OCA2: variants seen among roughly 807,000 people sequenced by gnomAD.
OCA2 encodes the protein P protein.
In OCA2, 77 loss-of-function variants were observed where a neutral mutation model predicts 100.2. The ratio of observed to expected loss-of-function variants is 0.77; its 90% CI spans 0.64 to 0.93. The LOEUF (loss-of-function observed/expected upper bound fraction) is 0.93, where lower values mean the gene tolerates loss of function less well. Among genes scored for constraint, OCA2 ranks in the 40% least tolerant of loss-of-function variants. The pLI, the probability that OCA2 is intolerant of heterozygous loss-of-function variation, is 0.00. For synonymous variants in OCA2, 432 were observed against 439.2 expected (o/e 0.98, Z 0.21); for missense variants, 1,062 against 1,089.1 (o/e 0.98, Z 0.35).
chr15:27,782,752 T>G (rs759341775), intron 23 of OCA2, among the ~76,000 whole-genome samples: 1 of 152,224 alleles, frequency 6.6e-6, no homozygotes, highest in Non-Finnish European at 1.5e-5. Flanking sequence ...GAGGAGCCAA[T>G]GCGTGTCCCA....
At chr15:27,805,271 T>C (rs893570301) in intron 23 of OCA2, among the ~76,000 whole-genome samples, 2 of 152,242 alleles carry the variant, frequency 1.3e-5, no homozygotes, top group Non-Finnish European at 2.9e-5. Flanking sequence ...CTTTACATTT[T>C]CATGTTGAAA....
intron 23 of OCA2, among the ~76,000 whole-genome samples, chr15:27,757,121 G>A (rs1397003569): frequency 6.6e-6 from 1 of 152,196 alleles, no homozygotes; most frequent in Non-Finnish European, 1.5e-5. Flanking sequence ...CTGCAGAGGT[G>A]GGATGTTGAG....
chr15:27,925,339 GTCTTAA>G (rs748382442), intron 19 of OCA2, among the ~76,000 whole-genome samples: 113 of 152,234 alleles, frequency 7.4e-4, no homozygotes, highest in Middle Eastern at 3.4e-3. Flanking sequence ...CGTAAAACAA[GTCTTAA>G]TAAAATTAAA....
Position 27,989,586 on chromosome 15 carries a change from G to C in OCA2, c.1182+15C>G. ...CAGGCGTGGAGCCCAGTCCCACGGG[G>C]AGAGCTGTAATTACCATGCCAAACA... On this transcript the variant is annotated intron_variant, in intron 11 of 23. Transcript: ENST00000354638. The C allele has an allele frequency of 6.2e-7, 1 of 1,612,204 alleles. No individual in the cohort carries two copies. Among genetic ancestry groups the C allele is most frequent in the South Asian group, 1.1e-5 (1 of 91,018 alleles).
At chr15:27,732,403 C>T in the OCA2 span, among the ~76,000 whole-genome samples, 1 of 152,116 alleles carries the variant, frequency 6.6e-6, no homozygotes, top group Non-Finnish European at 1.5e-5. Context: ...TAAGGTGGCC[C>T]GTGGGGTCCA....
At chr15:27,913,891 G>GAAAGAAAGAAAGAAAGAA (rs1567098419) in intron 19 of OCA2, among the ~76,000 whole-genome samples, 1 of 42,070 alleles carries the variant, frequency 2.4e-5, no homozygotes, top group Non-Finnish European at 4.5e-5. Flanking sequence ...AAGAAAGAAA[G>GAAAGAAAGAAAGAAAGAA]AAAGCAAGCA....
intron 2 of OCA2, among the ~76,000 whole-genome samples, chr15:28,064,884 A>T (rs2043978748): frequency 6.6e-6 from 1 of 150,598 alleles, no homozygotes; most frequent in Non-Finnish European, 1.5e-5. Context: ...TTGTTGTTGA[A>T]ACACTTTGTT....
At chr15:27,830,514 TG>T (rs1949297482) in intron 23 of OCA2, among the ~76,000 whole-genome samples, 1 of 152,162 alleles carries the variant, frequency 6.6e-6, no homozygotes, top group African/African-American at 2.4e-5. Flanking sequence ...AATAAAAAAC[TG>T]AAAGTGATAT....
intron 15 of OCA2, among the ~76,000 whole-genome samples, chr15:27,961,402 G>A (rs1359889112): frequency 6.6e-6 from 1 of 152,158 alleles, no homozygotes; most frequent in East Asian, 1.9e-4. Flanking sequence ...GGTTCCTCAA[G>A]GATCTAGAAC....
At chr15:27,938,835 T>C (rs2039548204) in intron 18 of OCA2, among the ~76,000 whole-genome samples, 1 of 152,112 alleles carries the variant, frequency 6.6e-6, no homozygotes, top group African/African-American at 2.4e-5. Context: ...CTGAGCACAC[T>C]CAAGTATGGT....
At chr15:27,893,612 G>A (rs932411201) in intron 19 of OCA2, among the ~76,000 whole-genome samples, 1 of 152,036 alleles carries the variant, frequency 6.6e-6, no homozygotes, top group Non-Finnish European at 1.5e-5. Flanking sequence ...GGCCACTCTG[G>A]GAATGTCTGT....
At chr15:27,768,947 C>T (rs915997574) in intron 23 of OCA2, among the ~76,000 whole-genome samples, 1 of 152,168 alleles carries the variant, frequency 6.6e-6, no homozygotes, top group Non-Finnish European at 1.5e-5. Flanking sequence ...GCTGCCCAGC[C>T]GGGAGGCAGC....
chr15:27,931,271 C>A (rs1283892927), intron 18 of OCA2, among the ~76,000 whole-genome samples: 1 of 152,120 alleles, frequency 6.6e-6, no homozygotes, highest in East Asian at 1.9e-4. Context: ...ATAACGTATC[C>A]TTTTAAACAG....
intron 2 of OCA2, among the ~76,000 whole-genome samples, chr15:28,034,647 C>G (rs1447496066): frequency 2.0e-5 from 3 of 152,004 alleles, no homozygotes; most frequent in Admixed American, 6.6e-5. Flanking sequence ...TGGTGGTGTA[C>G]TCCTGTAGTC....
chr15:27,742,295 G>A, the OCA2 span, among the ~76,000 whole-genome samples: 12 of 152,156 alleles, frequency 7.9e-5, no homozygotes, highest in African/African-American at 2.9e-4. Flanking sequence ...ATTCCCCAGT[G>A]CTCTAAAGCA....
intron 21 of OCA2, among the ~76,000 whole-genome samples, chr15:27,869,611 C>A (rs917243099): frequency 6.6e-6 from 1 of 152,158 alleles, no homozygotes; most frequent in African/African-American, 2.4e-5. Flanking sequence ...TAATTCAGTC[C>A]CAGAAAGGAT....
intron 19 of OCA2, among the ~76,000 whole-genome samples, chr15:27,922,845 G>T (rs945046993): frequency 6.6e-6 from 1 of 151,966 alleles, no homozygotes. Flanking sequence ...AGGGGTACAT[G>T]TGCAGGTTTA....
chr15:27,925,484 A>G (rs1423568836), intron 19 of OCA2, among the ~76,000 whole-genome samples: 2 of 152,222 alleles, frequency 1.3e-5, no homozygotes, highest in African/African-American at 2.4e-5. Flanking sequence ...ATAACCCATA[A>G]GTCAAAAAAA....
chr15:27,957,524 T>C lies in OCA2; in HGVS notation c.1784+64A>G. 6.3e-7 allele frequency: 1 copy of C among 1,585,386 alleles called. No individual in the cohort carries two copies. The highest frequency in any genetic ancestry group is 8.6e-7 in the Non-Finnish European group (1 of 1,157,360). On this transcript the variant is annotated intron_variant, in intron 16 of 23. Transcript: ENST00000354638. This position sits in a 1 kb window ranked among gnomAD's most constrained non-coding sequence, Gnocchi z 4.3. ...TTAGTATACAGCTAATGTCGCTATT[T>C]TGTAGGCCCATGGAATGTTCTGCTG...
Sources: gnomAD v4.1 joint callset for allele counts (sites outside exome capture counted in the v4.1 genomes callset) on GRCh38, gnomAD v4.1.1 for gene constraint, Gnocchi (gnomAD v3.1) non-coding constraint, MANE v1.5 for transcripts, NCBI Gene and HGNC (gene_info 2026-07-23, HGNC 2026-07-21) for gene names.